ATP2C1: variants seen among roughly 807,000 people sequenced by gnomAD.
The protein encoded by ATP2C1 is ATPase secretory pathway Ca2+ transporting 1.
Under a neutral mutation model 120.5 loss-of-function variants are expected in ATP2C1, and 31 were observed. The observed-to-expected ratio is 0.26, with a 90% CI of 0.19 to 0.35. ATP2C1 has a LOEUF of 0.35. Ranked by LOEUF, ATP2C1 falls within the 10% of genes least tolerant of loss-of-function variation. ATP2C1 has a pLI of 1.00. For synonymous variants in ATP2C1, 351 were observed against 358.7 expected (o/e 0.98, Z 0.24); for missense variants, 731 against 1,107.5 (o/e 0.66, Z 4.83).
At chr3:130,940,571 T>C in intron 6 of ATP2C1, 59 bp from the exon 7 acceptor site, 1 of 1,105,946 alleles carries the variant, frequency 9.0e-7, no homozygotes, top group Non-Finnish European at 1.4e-6. Context: ...GATTAATAAG[T>C]CTAAATGGAA....
chr3:130,881,328 T>C (rs189651798), intron 1 of ATP2C1, among the ~76,000 whole-genome samples: 1 of 151,312 alleles, frequency 6.6e-6, no homozygotes. Context: ...GACCTCCTTT[T>C]CTTTTTCTTC....
At chr3:130,949,429 T>A (rs927992308) in intron 8 of ATP2C1, among the ~76,000 whole-genome samples, 1 of 152,144 alleles carries the variant, frequency 6.6e-6, no homozygotes, top group Non-Finnish European at 1.5e-5. Flanking sequence ...GTGAGGAAGC[T>A]GCCAAAGAAA....
At chr3:130,900,453 A>C (rs1246337141) in intron 2 of ATP2C1, among the ~76,000 whole-genome samples, 2 of 152,174 alleles carry the variant, frequency 1.3e-5, no homozygotes, top group African/African-American at 2.4e-5. Flanking sequence ...ACTTACTTAA[A>C]ACAGCTTGAT....
chr3:130,923,019 TTC>T, intron 2 of ATP2C1, among the ~76,000 whole-genome samples: 1 of 152,310 alleles, frequency 6.6e-6, no homozygotes, highest in Non-Finnish European at 1.5e-5. Flanking sequence ...TTTCTTGACT[TTC>T]TGTCTTGGTG....
chr3:130,851,095 G>T (rs986035627), intron 1 of ATP2C1, among the ~76,000 whole-genome samples: 1 of 152,198 alleles, frequency 6.6e-6, no homozygotes, highest in Non-Finnish European at 1.5e-5. Flanking sequence ...AGGCTTGTGA[G>T]AATTTATTTA....
chr3:130,977,365 T>C (rs1560001987), intron 18 of ATP2C1, among the ~76,000 whole-genome samples: 2 of 152,210 alleles, frequency 1.3e-5, no homozygotes, highest in South Asian at 2.1e-4. Flanking sequence ...TTTCCTCTTT[T>C]GAACTTCTGG....
At chr3:130,905,044 A>T (rs989929737) in intron 2 of ATP2C1, among the ~76,000 whole-genome samples, 1 of 151,820 alleles carries the variant, frequency 6.6e-6, no homozygotes, top group Non-Finnish European at 1.5e-5. Flanking sequence ...GTATCACATG[A>T]TGTTCTGGGT....
chr3:130,989,976 A>G (rs1243287417), intron 20 of ATP2C1, among the ~76,000 whole-genome samples: 1 of 152,196 alleles, frequency 6.6e-6, no homozygotes, highest in Non-Finnish European at 1.5e-5. Flanking sequence ...GAAAGAAAGG[A>G]TATTTCCCAA....
chr3:130,968,627 A>G (rs557756875), intron 16 of ATP2C1, among the ~76,000 whole-genome samples: 3 of 152,316 alleles, frequency 2.0e-5, no homozygotes, highest in African/African-American at 7.2e-5. Context: ...GAGGATTTTT[A>G]TAGACGCTGT....
intron 12 of ATP2C1, 46 bp from the exon 13 acceptor site, chr3:130,963,925 G>A: frequency 3.7e-6 from 6 of 1,610,544 alleles, no homozygotes; most frequent in South Asian, 1.1e-5. Context: ...TTTGCTGTGA[G>A]TGCTGTTTAA....
intron 4 of ATP2C1, 105 bp downstream of exon 4, chr3:130,932,243 A>G (rs1456159632): frequency 1.6e-5 from 13 of 789,512 alleles, no homozygotes; most frequent in Non-Finnish European, 2.8e-5. Context: ...AAAGGAAATA[A>G]TTTTTAGATG....
At chr3:130,996,329 A>G (rs2062621297) in intron 23 of ATP2C1, 3 of 592,034 alleles carry the variant, frequency 5.1e-6, no homozygotes, top group Admixed American at 3.0e-5. Flanking sequence ...ATCAAAATGT[A>G]TAAATCTTTG....
rs548015179 is a variant in ATP2C1, at chr3:130,940,873, C to T, written c.422+182C>T. Among the ~76,000 whole-genome samples the T allele has an allele frequency of 9.4e-5, 14 of 148,778 alleles. No individual in the cohort carries two copies. In the South Asian group the frequency reaches 2.1e-3, roughly 23 times the overall value. ...CTGTACCATTGAAAACTTTAAAATC[C>T]GAGATTCTAGAGACATGGATGTATT... On this transcript the variant is annotated intron_variant, in intron 7 of 27. Coordinates refer to ENST00000510168, the MANE Select transcript of ATP2C1 (RefSeq NM_001378687.1).
At chr3:130,896,202 A>G (rs1185244300) in intron 2 of ATP2C1, among the ~76,000 whole-genome samples, 1 of 152,220 alleles carries the variant, frequency 6.6e-6, no homozygotes, top group Non-Finnish European at 1.5e-5. Context: ...AGCCTAAAGT[A>G]GGTGGATTCT....
intron 1 of ATP2C1, among the ~76,000 whole-genome samples, chr3:130,883,945 CTTTTTT>C (rs35365168): frequency 3.3e-5 from 4 of 122,438 alleles, no homozygotes; most frequent in African/African-American, 3.0e-5. Context: ...TTCTTTTCTT[CTTTTTT>C]TTTTTTTTTT....
intron 2 of ATP2C1, chr3:130,918,159 A>T: frequency 1.0e-6 from 1 of 953,476 alleles, no homozygotes; most frequent in Non-Finnish European, 1.7e-6. Context: ...TAGAAAGATT[A>T]TCTGTGCCTA....
At position 130,963,194 on chromosome 3, in the gene ATP2C1, T is replaced by G. The variant is rs183141683; in HGVS notation, c.900-777T>G. ...AAAATTTACAGTTTTAAAGAGTTAA[T>G]TTGGTGGAGTTAAGTATGGTCGCAA... On this transcript the variant is annotated intron_variant, in intron 12 of 27. Coordinates refer to ENST00000510168, the MANE Select transcript of ATP2C1 (RefSeq NM_001378687.1). 2.6e-4 allele frequency: 40 copies of G among 152,154 alleles called. No individual in the cohort carries two copies. The East Asian group carries it at 7.5e-3, about 29-fold the overall frequency. The allele number at this position is 152,154 out of a possible 1,614,324, so 9.4% of individuals were successfully genotyped here.
Position 130,921,127 on chromosome 3 carries a change from G to A in ATP2C1, c.7-9289G>A, listed in dbSNP as rs570907296. 3.4e-5 allele frequency among the ~76,000 whole-genome samples: 5 copies of A among 148,664 alleles called. No homozygotes were observed. The South Asian group carries it at 1.0e-3, about 31-fold the overall frequency. Reference sequence around the variant, plus strand: ...GACGGAGTCTCGCACAGTTTCCCAGGCTGGAGTGCAGGGGCACAGTCTTGG... The same window carrying A: ...GACGGAGTCTCGCACAGTTTCCCAGACTGGAGTGCAGGGGCACAGTCTTGG... On this transcript the variant is annotated intron_variant, in intron 2 of 27. Transcript: ENST00000510168.
chr3:130,995,932 A>C, intron 22 of ATP2C1, 111 bp from the exon 23 acceptor site: 2 of 787,056 alleles, frequency 2.5e-6, no homozygotes, highest in Non-Finnish European at 4.3e-6. Flanking sequence ...GGCATGAGCC[A>C]CAGTGCCCGG....
Sources: allele counts gnomAD v4.1 joint callset (sites outside exome capture counted in the v4.1 genomes callset), GRCh38; gene constraint gnomAD v4.1.1; transcripts MANE v1.5; gene names NCBI Gene and HGNC (gene_info 2026-07-23, HGNC 2026-07-21).